Variants in GOLGA4 observed in about 807,000 individuals in gnomAD.
GOLGA4 encodes the protein golgin subfamily A member 4.
In GOLGA4, 169 loss-of-function variants were observed where a neutral mutation model predicts 265.9. That is an observed-to-expected ratio of 0.64 (90% CI 0.56 to 0.72). The LOEUF is 0.72. Among genes scored for constraint, GOLGA4 ranks in the 30% least tolerant of loss-of-function variants. The pLI is 0.00. For missense variants in GOLGA4, 2,482 were observed against 2,483.4 expected (o/e 1.00, Z 0.01); for synonymous variants, 923 against 855.8 (o/e 1.08, Z -1.37).
intron 22 of GOLGA4, among the ~76,000 whole-genome samples, chr3:37,356,015 G>T (rs1169586720): frequency 1.3e-5 from 2 of 152,084 alleles, no homozygotes; most frequent in East Asian, 3.8e-4. Flanking sequence ...GTTAGCGTGT[G>T]TCTGAGCATC....
intron 2 of GOLGA4, chr3:37,275,930 C>T: frequency 1.2e-6 from 2 of 1,613,630 alleles, no homozygotes; most frequent in Non-Finnish European, 1.7e-6. Context: ...ATTAGATGGG[C>T]CATCAACTGA....
intron 16 of GOLGA4, among the ~76,000 whole-genome samples, chr3:37,329,650 T>TA (rs1471930225): frequency 1.3e-5 from 2 of 152,216 alleles, no homozygotes; most frequent in Non-Finnish European, 2.9e-5. Flanking sequence ...TCAAAATACT[T>TA]ACTCTACTAA....
At chr3:37,364,975 A>G (rs938080906) in intron 23 of GOLGA4, among the ~76,000 whole-genome samples, 2 of 152,088 alleles carry the variant, frequency 1.3e-5, no homozygotes, top group African/African-American at 4.8e-5. Flanking sequence ...AGCTCACTGC[A>G]GCCTTGACTT....
intron 4 of GOLGA4, among the ~76,000 whole-genome samples, chr3:37,288,078 ATATTACTCTTT>A (rs1334942887): frequency 3.3e-5 from 5 of 151,164 alleles, no homozygotes; most frequent in African/African-American, 1.2e-4. Flanking sequence ...TCATCTCACA[ATATTACTCTTT>A]TATTAGCTTC....
intron 2 of GOLGA4, among the ~76,000 whole-genome samples, chr3:37,265,888 A>G (rs2096782335): frequency 6.6e-6 from 1 of 151,904 alleles, no homozygotes; most frequent in Admixed American, 6.6e-5. Flanking sequence ...ATTAGCAGGC[A>G]TAGTGATGTG....
chr3:37,318,413 T>A (rs2096944042), intron 11 of GOLGA4, among the ~76,000 whole-genome samples: 1 of 152,206 alleles, frequency 6.6e-6, no homozygotes, highest in Admixed American at 6.5e-5. Flanking sequence ...CTGCATTCTC[T>A]GTGCTGTTCT....
At chr3:37,289,953 A>G (rs1398417495) in intron 5 of GOLGA4, among the ~76,000 whole-genome samples, 1 of 152,050 alleles carries the variant, frequency 6.6e-6, no homozygotes, top group Non-Finnish European at 1.5e-5. Flanking sequence ...CTTGTTACCT[A>G]TTTTTGTTAT....
intron 4 of GOLGA4, among the ~76,000 whole-genome samples, chr3:37,287,151 G>T (rs1368304112): frequency 6.6e-6 from 1 of 152,200 alleles, no homozygotes; most frequent in East Asian, 1.9e-4. Flanking sequence ...GATGAGCCTG[G>T]CCAACATGAT....
At chr3:37,273,303 C>T (rs570655943) in intron 2 of GOLGA4, among the ~76,000 whole-genome samples, 60 of 152,192 alleles carry the variant, frequency 3.9e-4, no homozygotes, top group African/African-American at 1.4e-3. Flanking sequence ...TTTCTACATA[C>T]TAATCTTTGC....
At chr3:37,266,636 C>T (rs1044958909) in intron 2 of GOLGA4, among the ~76,000 whole-genome samples, 1 of 152,162 alleles carries the variant, frequency 6.6e-6, no homozygotes, top group Non-Finnish European at 1.5e-5. Flanking sequence ...CTAAACTGAT[C>T]ACGCATCTCC....
chr3:37,364,521 C>T (rs1462666815), intron 23 of GOLGA4, among the ~76,000 whole-genome samples: 1 of 151,642 alleles, frequency 6.6e-6, no homozygotes, highest in Non-Finnish European at 1.5e-5. Flanking sequence ...GGATTACAGG[C>T]GTGAGCCACT....
At chr3:37,276,043 G>A (rs1338005279) in intron 2 of GOLGA4, 5 of 1,612,684 alleles carry the variant, frequency 3.1e-6, no homozygotes, top group East Asian at 2.2e-5. Context: ...GCAACAGAAA[G>A]GATGAGACAA....
intron 7 of GOLGA4, 128 bp downstream of exon 7, chr3:37,296,347 AC>A: frequency 1.2e-6 from 1 of 836,608 alleles, no homozygotes; most frequent in Non-Finnish European, 1.9e-6. Flanking sequence ...GGAGTTTGAG[AC>A]CAGCCTGGGC....
chr3:37,320,146 C>T (rs930179158), intron 12 of GOLGA4: 1 of 151,618 alleles, frequency 6.6e-6, no homozygotes, highest in Non-Finnish European at 1.5e-5. Context: ...ACAAAAACAA[C>T]CAGAAAGCAG....
intron 4 of GOLGA4, among the ~76,000 whole-genome samples, chr3:37,288,727 C>T (rs187304459): frequency 3.9e-5 from 6 of 152,066 alleles, no homozygotes; most frequent in East Asian, 1.9e-4. Flanking sequence ...ATCCACCTGC[C>T]TCGGCCTCCC....
chr3:37,301,639 CTA>C (rs2096892947), intron 9 of GOLGA4, among the ~76,000 whole-genome samples: 1 of 152,080 alleles, frequency 6.6e-6, no homozygotes, highest in Non-Finnish European at 1.5e-5. Flanking sequence ...AAGGATTAAA[CTA>C]TTAAAATTTT....
At chr3:37,253,032 T>A (rs186401668) in intron 2 of GOLGA4, among the ~76,000 whole-genome samples, 2 of 152,214 alleles carry the variant, frequency 1.3e-5, no homozygotes, top group Non-Finnish European at 2.9e-5. Context: ...GAGGATTGCT[T>A]GAGTCCAGGA....
Position 37,325,587 on chromosome 3 carries a change from A to G in GOLGA4, c.3701A>G (p.Glu1234Gly). ...TEALLEAKTNELINISSSKTN... is the reference protein window; with the variant it reads ...TEALLEAKTNGLINISSSKTN... ...GCCTTATTAGAAGCTAAAACAAATGAGCTAATCAACATTAGTAGTAGTAAA... is the reference window on the plus strand; with the variant it reads ...GCCTTATTAGAAGCTAAAACAAATGGGCTAATCAACATTAGTAGTAGTAAA... Residue 1234 changes from glutamate (E) to glycine (G), a missense_variant, in exon 14 of 24, where the codon GAG (glutamate) becomes GGG (glycine). This residue lies in a region of GOLGA4 where 1,536 missense variants were observed against 1,483.7 expected (regional missense o/e 1.04). Transcript: ENST00000361924. 6.2e-7 allele frequency: 1 copy of G among 1,612,438 alleles called. No individual in the cohort carries two copies. The highest frequency in any genetic ancestry group is 8.5e-7 in the Non-Finnish European group (1 of 1,178,542).
At chr3:37,306,480 A>C (rs2096906407) in intron 10 of GOLGA4, among the ~76,000 whole-genome samples, 1 of 149,542 alleles carries the variant, frequency 6.7e-6, no homozygotes, top group South Asian at 2.1e-4. Context: ...ACCGAAGTTC[A>C]CACTAGTTCT....
Sources: gnomAD v4.1 joint callset for allele counts (sites outside exome capture counted in the v4.1 genomes callset) on GRCh38, gnomAD v4.1.1 for gene constraint, gnomAD v4.1.1 regional missense constraint, MANE v1.5 for transcripts, NCBI Gene and HGNC (gene_info 2026-07-23, HGNC 2026-07-21) for gene names.